DTNBP1: variants seen among roughly 807,000 people sequenced by gnomAD.
The protein encoded by DTNBP1 is dystrobrevin binding protein 1.
DTNBP1 carries 35 observed loss-of-function variants against 42.8 expected under a neutral mutation model. That is an observed-to-expected ratio of 0.82 (90% CI 0.63 to 1.09). The LOEUF (loss-of-function observed/expected upper bound fraction) is 1.09, where lower values mean the gene tolerates loss of function less well. DTNBP1 is among the 50% of genes least tolerant of loss of function. The pLI is 0.00. For synonymous variants in DTNBP1, 171 were observed against 162.2 expected, an observed-to-expected ratio of 1.05 and a Z score of -0.41; for missense variants, 457 against 424.2, an observed-to-expected ratio of 1.08 and a Z score of -0.68.
At chr6:15,570,168 T>A (rs1775280353) in intron 7 of DTNBP1, among the ~76,000 whole-genome samples, 2 of 151,826 alleles carry the variant, frequency 1.3e-5, no homozygotes, top group African/African-American at 4.8e-5. Context: ...TTGTTAAGGT[T>A]TACAGAAAAA....
At chr6:15,654,561 T>C (rs1474929532) in intron 1 of DTNBP1, among the ~76,000 whole-genome samples, 2 of 152,186 alleles carry the variant, frequency 1.3e-5, no homozygotes, top group African/African-American at 2.4e-5. Flanking sequence ...AAACTTTTAC[T>C]TTCTTAATTG....
At chr6:15,592,938 TAA>T (rs1197910353) in intron 7 of DTNBP1, 119 bp downstream of exon 7, 1 of 1,032,492 alleles carries the variant, frequency 9.7e-7, no homozygotes, top group Non-Finnish European at 1.4e-6. Context: ...AAAACAGTAT[TAA>T]GTTTTACTGT....
intron 7 of DTNBP1, among the ~76,000 whole-genome samples, chr6:15,556,774 C>G (rs947931185): frequency 7.2e-5 from 11 of 151,890 alleles, no homozygotes; most frequent in African/African-American, 2.7e-4. Flanking sequence ...CCCTTCCCTT[C>G]TCTCTCTCTC....
At chr6:15,650,374 T>C (rs1452950189) in intron 3 of DTNBP1, among the ~76,000 whole-genome samples, 1 of 150,208 alleles carries the variant, frequency 6.7e-6, no homozygotes, top group Non-Finnish European at 1.5e-5. Flanking sequence ...GATCGCACCA[T>C]TGCACTCCAG....
chr6:15,582,613 A>G (rs1775888395), intron 7 of DTNBP1, among the ~76,000 whole-genome samples: 1 of 152,224 alleles, frequency 6.6e-6, no homozygotes, highest in South Asian at 2.1e-4. Context: ...TTTTGATCAC[A>G]TCATTGCAAT....
chr6:15,529,962 GT>G (rs1351422824), intron 8 of DTNBP1, among the ~76,000 whole-genome samples: 1 of 152,262 alleles, frequency 6.6e-6, no homozygotes. Context: ...GAGAGCCTCT[GT>G]GCTTGGGGGG....
chr6:15,615,429 A>G, intron 5 of DTNBP1, 30 bp from the exon 6 acceptor site: 1 of 1,612,476 alleles, frequency 6.2e-7, no homozygotes, highest in Non-Finnish European at 8.5e-7. Context: ...AACAGACCTC[A>G]AAAGTCAGAA....
intron 7 of DTNBP1, chr6:15,579,852 G>C (rs922325919): frequency 2.2e-6 from 1 of 455,312 alleles, no homozygotes; most frequent in Non-Finnish European, 4.4e-6. Context: ...TGTTCTCAAT[G>C]CAAAGAAATG....
At chr6:15,579,089 T>C (rs995259959) in intron 7 of DTNBP1, among the ~76,000 whole-genome samples, 1 of 152,242 alleles carries the variant, frequency 6.6e-6, no homozygotes, top group African/African-American at 2.4e-5. Context: ...ATTAGATAGC[T>C]GCACTCTCAT....
intron 7 of DTNBP1, among the ~76,000 whole-genome samples, chr6:15,567,164 G>T (rs2619532): frequency 6.6e-6 from 1 of 152,110 alleles, no homozygotes; most frequent in South Asian, 2.1e-4. Context: ...AAGAATCTTA[G>T]GCTGAGTGGG....
At chr6:15,637,203 G>T (rs965921317) in intron 4 of DTNBP1, among the ~76,000 whole-genome samples, 1 of 152,124 alleles carries the variant, frequency 6.6e-6, no homozygotes, top group African/African-American at 2.4e-5. Context: ...GAGAGTATTC[G>T]ATTTTGGCTA....
chr6:15,622,221 T>C (rs1197984778), intron 5 of DTNBP1, among the ~76,000 whole-genome samples: 1 of 152,148 alleles, frequency 6.6e-6, no homozygotes, highest in Non-Finnish European at 1.5e-5. Context: ...GCAGAGAACT[T>C]AGAAAACATT....
At position 15,627,331 on chromosome 6, in the gene DTNBP1, C is replaced by T; in HGVS notation, c.355+12G>A. ...TCCTAAAAGTAATGTACAATGAAAA[C>T]ATTGGACTTACTCAGATTTGCTGTC... On this transcript the variant is annotated intron_variant, in intron 5 of 9. Coordinates refer to ENST00000344537, the MANE Select transcript of DTNBP1 (RefSeq NM_032122.5). 6.2e-7 allele frequency: 1 copy of T among 1,611,926 alleles called. No homozygotes were observed. Among genetic ancestry groups the T allele is most frequent in the Non-Finnish European group, 8.5e-7 (1 of 1,179,190 alleles).
chr6:15,629,482 C>T (rs977296108), intron 4 of DTNBP1, among the ~76,000 whole-genome samples: 2 of 151,880 alleles, frequency 1.3e-5, no homozygotes, highest in Non-Finnish European at 2.9e-5. Flanking sequence ...TGCAATAAAA[C>T]TGAAAATTAA....
rs1462595160 is a variant in DTNBP1 at position 15,587,109 on chromosome 6, A to G, written c.511+5950T>C. Among the ~76,000 whole-genome samples the G allele has an allele frequency of 2.6e-5, 4 of 152,188 alleles. No individual in the cohort carries two copies. Among genetic ancestry groups the G allele is most frequent in the African/African-American group, 9.6e-5 (4 of 41,454 alleles). ...CCTGAGGTTCAACAGCCCATTGGAC[A>G]CTTCCACCTATAATGTCTTACAGAT... On this transcript the variant is annotated intron_variant, in intron 7 of 9. Coordinates refer to ENST00000344537, the MANE Select transcript of DTNBP1 (RefSeq NM_032122.5). The surrounding 1 kb of genome is among the most constrained non-coding windows in gnomAD (Gnocchi z 4.1).
At chr6:15,577,395 A>G (rs1345689074) in intron 7 of DTNBP1, among the ~76,000 whole-genome samples, 1 of 152,252 alleles carries the variant, frequency 6.6e-6, no homozygotes, top group African/African-American at 2.4e-5. Context: ...GGCAGCCCAG[A>G]GGAGAGACAA....
At chr6:15,534,082 G>T (rs145906621) in intron 7 of DTNBP1, among the ~76,000 whole-genome samples, 13 of 152,210 alleles carry the variant, frequency 8.5e-5, no homozygotes, top group Admixed American at 8.5e-4. Context: ...AGCCAGTCGC[G>T]AAAAGGCAAA....
chr6:15,654,098 A>G (rs1761158757), intron 1 of DTNBP1, among the ~76,000 whole-genome samples: 1 of 152,220 alleles, frequency 6.6e-6, no homozygotes, highest in Non-Finnish European at 1.5e-5. Context: ...TCTTTTTCAA[A>G]AAATAAAATA....
chr6:15,652,412 C>A (rs901162773), intron 1 of DTNBP1, among the ~76,000 whole-genome samples: 2 of 151,988 alleles, frequency 1.3e-5, no homozygotes, highest in South Asian at 4.2e-4. Context: ...ATACCCCATG[C>A]CTCAAATGAT....
Sources: allele counts gnomAD v4.1 joint callset (sites outside exome capture counted in the v4.1 genomes callset), GRCh38; gene constraint gnomAD v4.1.1; non-coding constraint Gnocchi (gnomAD v3.1); transcripts MANE v1.5; gene names NCBI Gene and HGNC (gene_info 2026-07-23, HGNC 2026-07-21).